Variants in SUCLA2 observed in about 807,000 individuals in gnomAD.
SUCLA2 encodes succinate--CoA ligase [ADP-forming] subunit beta, mitochondrial.
SUCLA2 carries 30 observed loss-of-function variants against 54.8 expected under a neutral mutation model. The observed-to-expected ratio is 0.55, with a 90% CI of 0.41 to 0.74. SUCLA2 has a LOEUF of 0.74. Ranked by LOEUF, SUCLA2 falls within the 30% of genes least tolerant of loss-of-function variation. The probability of loss-of-function intolerance (pLI) is 0.00; values close to 1 mark genes in which losing one functional copy is unlikely to be tolerated. For missense variants in SUCLA2, 476 were observed against 562.9 expected, an observed-to-expected ratio of 0.85 and a Z score of 1.56; for synonymous variants, 172 against 188.9, an observed-to-expected ratio of 0.91 and a Z score of 0.74.
intron 4 of SUCLA2, among the ~76,000 whole-genome samples, chr13:47,984,494 G>A (rs1447941143): frequency 6.6e-6 from 1 of 152,040 alleles, no homozygotes; most frequent in East Asian, 1.9e-4. Flanking sequence ...CAGCCACCAC[G>A]CCCAGCCCTA....
At chr13:47,967,479 C>A (rs1322558886) in intron 6 of SUCLA2, among the ~76,000 whole-genome samples, 3 of 151,596 alleles carry the variant, frequency 2.0e-5, no homozygotes, top group Non-Finnish European at 4.4e-5. Context: ...AAGAAAAAAA[C>A]AGAACACATT....
intron 6 of SUCLA2, among the ~76,000 whole-genome samples, chr13:47,959,209 T>C (rs1949846531): frequency 6.6e-6 from 1 of 152,072 alleles, no homozygotes; most frequent in African/African-American, 2.4e-5. Context: ...TAAAAGTTAA[T>C]TCAAATTATG....
intron 4 of SUCLA2, among the ~76,000 whole-genome samples, chr13:47,980,515 T>C (rs1216904021): frequency 6.6e-6 from 1 of 152,162 alleles, no homozygotes; most frequent in Non-Finnish European, 1.5e-5. Flanking sequence ...AAACTGTGCA[T>C]ACTACCCTAA....
In SUCLA2 at chr13:47,949,533, A is replaced by G. The variant is rs1427271703; in HGVS notation, c.1178T>C (p.Met393Thr). Reference sequence around the variant, plus strand: ...TTTAATTTCCAAGTCTTTTACTGCCATGACTATACCCTGTGCAATAACATC... The same window carrying G: ...TTTAATTTCCAAGTCTTTTACTGCCGTGACTATACCCTGTGCAATAACATC... ...RCDVIAQGIV[M>T]AVKDLEIKIP... Residue 393 changes from methionine to threonine, a missense_variant, in exon 9 of 11, where the codon ATG (methionine) becomes ACG (threonine). Transcript: ENST00000646932. 6.2e-7 allele frequency: 1 copy of G among 1,613,646 alleles called. No individual in the cohort carries two copies. Among genetic ancestry groups the G allele is most frequent in the South Asian group, 1.1e-5 (1 of 91,074 alleles).
At chr13:47,946,273 T>C (rs1454047397) in intron 10 of SUCLA2, among the ~76,000 whole-genome samples, 1 of 152,228 alleles carries the variant, frequency 6.6e-6, no homozygotes, top group East Asian at 1.9e-4. Context: ...GCACAGTATA[T>C]ACAGGTTTGG....
chr13:47,982,687 ATTT>A (rs61446213), intron 4 of SUCLA2, among the ~76,000 whole-genome samples: 18 of 146,214 alleles, frequency 1.2e-4, no homozygotes, highest in Non-Finnish European at 2.4e-4. Flanking sequence ...GGTAAGGTAA[ATTT>A]TTTGTTATAT....
Position 47,968,740 on chromosome 13 carries a change from T to A in SUCLA2, c.664-7A>T, listed in dbSNP as rs1277870480. 1.6e-5 allele frequency: 25 copies of A among 1,612,072 alleles called. No homozygotes were observed. Among genetic ancestry groups the A allele is most frequent in the Non-Finnish European group, 1.9e-5 (23 of 1,179,746 alleles). On this transcript the variant is annotated splice_polypyrimidine_tract_variant and splice_region_variant and intron_variant, in intron 5 of 10. Transcript: ENST00000646932. ...ATCCCATCTTCTGTGCAAGCTGAAA[T>A]CAATATGTCTTTTTATTATAGGTAG...
At chr13:47,965,106 T>C (rs1949907123) in intron 6 of SUCLA2, among the ~76,000 whole-genome samples, 1 of 151,744 alleles carries the variant, frequency 6.6e-6, no homozygotes, top group Non-Finnish European at 1.5e-5. Context: ...AAAGAATGGA[T>C]GAGCCCATCC....
rs527474068 is a variant in SUCLA2, at chr13:47,950,861, T to C, written c.1108-1258A>G. Among the ~76,000 whole-genome samples, 79 of 152,230 alleles carry C rather than the reference T, an allele frequency of 5.2e-4. 1 individual carries two copies. The highest frequency in any genetic ancestry group is 9.3e-4 in the Non-Finnish European group (63 of 68,012). The stretch of plus-strand genomic sequence containing the variant: ...ATCTACCTCCAAGGCCCCACTGAAA[T>C]ACCTTCTGTGAATGCCATGACATGA... On this transcript the variant is annotated intron_variant, in intron 8 of 10. Coordinates refer to ENST00000646932, the MANE Select transcript of SUCLA2 (RefSeq NM_003850.3).
intron 4 of SUCLA2, among the ~76,000 whole-genome samples, chr13:47,979,856 T>C (rs1446060911): frequency 6.6e-6 from 1 of 152,174 alleles, no homozygotes; most frequent in Non-Finnish European, 1.5e-5. Context: ...AGATGAGATG[T>C]TGTCATATGT....
At chr13:47,988,423 C>A (rs892297958) in intron 4 of SUCLA2, 118 bp downstream of exon 4, 37 of 1,225,968 alleles carry the variant, frequency 3.0e-5, no homozygotes, top group Non-Finnish European at 4.3e-5. Flanking sequence ...TCATGACATA[C>A]AAACAGATTA....
chr13:47,984,174 A>G (rs1304659133), intron 4 of SUCLA2, among the ~76,000 whole-genome samples: 1 of 151,972 alleles, frequency 6.6e-6, no homozygotes, highest in Non-Finnish European at 1.5e-5. Flanking sequence ...TTTCAAATAT[A>G]TTAATAATTC....
At position 47,968,708 on chromosome 13, in the gene SUCLA2, G is replaced by A. The variant is rs376418361; in HGVS notation, c.689C>T (p.Pro230Leu). ...TTCTGCTGCTGATTCCACAATATTA[G>A]GTGGAAATCCCATCTTCTGTGCAAG... ...LQLAQKMGFP[P>L]NIVESAAENM... The change falls in exon 6 of 11, where the codon CCT becomes CTT. Residue 230 changes from proline (P) to leucine (L), a missense_variant. This residue lies in a region of SUCLA2 where 342 missense variants were observed against 444.2 expected (regional missense o/e 0.77). Transcript: ENST00000646932. The A allele has an allele frequency of 1.4e-5, 23 of 1,612,104 alleles. No individual in the cohort carries two copies. Among genetic ancestry groups the A allele is most frequent in the Non-Finnish European group, 1.8e-5 (21 of 1,179,864 alleles).
At chr13:47,975,750 A>G (rs1950007008) in intron 4 of SUCLA2, among the ~76,000 whole-genome samples, 1 of 152,186 alleles carries the variant, frequency 6.6e-6, no homozygotes, top group African/African-American at 2.4e-5. Context: ...AAACCCTCCA[A>G]CCACATCTGA....
At chr13:47,960,684 A>G (rs1949863552) in intron 6 of SUCLA2, among the ~76,000 whole-genome samples, 1 of 151,936 alleles carries the variant, frequency 6.6e-6, no homozygotes, top group East Asian at 1.9e-4. Context: ...ATTAAGTGAC[A>G]TTCATTTGAA....
rs1950225653 is a variant in SUCLA2, at chr13:48,000,957, C to T, written c.90+223G>A. On this transcript the variant is annotated intron_variant, in intron 1 of 10. Coordinates refer to ENST00000646932, the MANE Select transcript of SUCLA2 (RefSeq NM_003850.3). Reference sequence around the variant, plus strand: ...TGCAGGAGCAGCCACGGCCGGGCCGCCGGGGATCCTCGCGGACTAAGGGCT... The same window carrying T: ...TGCAGGAGCAGCCACGGCCGGGCCGTCGGGGATCCTCGCGGACTAAGGGCT... The T allele has an allele frequency of 8.5e-6, 12 of 1,408,868 alleles. No individual in the cohort carries two copies. The East Asian group carries it at 3.2e-4, about 37-fold the overall frequency. 87.3% of individuals were successfully genotyped at this position (1,408,868 alleles called of 1,614,324 possible). A position where few individuals can be genotyped will look rare whatever the true frequency, so the allele number is the denominator to read the frequency against.
rs1443246340 is a variant in SUCLA2, at chr13:47,954,291, G to A, written c.965-9C>T. ...CAAACCAGCACCATTTACTATATAG[G>A]GGAAAATGATTTGTATAAGCAACAA... On this transcript the variant is annotated splice_polypyrimidine_tract_variant and intron_variant, in intron 7 of 10. Coordinates refer to ENST00000646932, the MANE Select transcript of SUCLA2 (RefSeq NM_003850.3). The A allele has an allele frequency of 1.2e-6, 2 of 1,613,418 alleles. No individual in the cohort carries two copies. Among genetic ancestry groups the A allele is most frequent in the South Asian group, 1.1e-5 (1 of 91,034 alleles).
intron 5 of SUCLA2, among the ~76,000 whole-genome samples, chr13:47,969,286 T>C (rs1233977507): frequency 6.6e-6 from 1 of 150,544 alleles, no homozygotes; most frequent in East Asian, 1.9e-4. Context: ...ATTTTACCTT[T>C]TGTATAATTT....
rs571860984 is a variant in SUCLA2, at chr13:47,943,943, T to C, written c.1318-498A>G. 1.4e-4 allele frequency among the ~76,000 whole-genome samples: 21 copies of C among 152,172 alleles called. No homozygotes were observed. The South Asian group carries it at 4.4e-3, about 32-fold the overall frequency. ...GGTCTACTAGTTAGTATTTTACTTTTTGTCAGTAAGTTAACAATTGCTAAC... is the reference window on the plus strand; with the variant it reads ...GGTCTACTAGTTAGTATTTTACTTTCTGTCAGTAAGTTAACAATTGCTAAC... On this transcript the variant is annotated intron_variant, in intron 10 of 10. Coordinates refer to ENST00000646932, the MANE Select transcript of SUCLA2 (RefSeq NM_003850.3).
Sources: allele counts gnomAD v4.1 joint callset (sites outside exome capture counted in the v4.1 genomes callset), GRCh38; gene constraint gnomAD v4.1.1; regional missense constraint gnomAD v4.1.1; transcripts MANE v1.5; gene names NCBI Gene and HGNC (gene_info 2026-07-23, HGNC 2026-07-21).